COX10: variants seen among roughly 807,000 people sequenced by gnomAD.
The protein encoded by COX10 is cytochrome c oxidase assembly factor heme A:farnesyltransferase COX10.
A neutral mutation model predicts 37.3 loss-of-function variants in COX10; 27 were observed. The ratio of observed to expected loss-of-function variants is 0.72; its 90% CI spans 0.53 to 1.00. The LOEUF (loss-of-function observed/expected upper bound fraction) is 1.00. Among genes scored for constraint, COX10 ranks in the 50% least tolerant of loss-of-function variants. The probability of loss-of-function intolerance (pLI) is 0.00; values close to 1 mark genes in which losing one functional copy is unlikely to be tolerated. For missense variants in COX10, 475 were observed against 563.2 expected, an observed-to-expected ratio of 0.84 and a Z score of 1.59; for synonymous variants, 222 against 229.1, an observed-to-expected ratio of 0.97 and a Z score of 0.28.
chr17:14,147,422 C>T (rs1904752683), intron 4 of COX10, among the ~76,000 whole-genome samples: 1 of 152,034 alleles, frequency 6.6e-6, no homozygotes, highest in African/African-American at 2.4e-5. Context: ...TGCGTATTCT[C>T]ACTTATGTAT....
At chr17:14,092,644 A>G (rs1264764988) in intron 3 of COX10, among the ~76,000 whole-genome samples, 1 of 152,132 alleles carries the variant, frequency 6.6e-6, no homozygotes, top group African/African-American at 2.4e-5. Flanking sequence ...GTCTCTTGAG[A>G]AGACAACTAT....
intron 3 of COX10, among the ~76,000 whole-genome samples, chr17:14,100,227 A>G (rs1030169823): frequency 1.3e-5 from 2 of 152,118 alleles, no homozygotes; most frequent in Non-Finnish European, 2.9e-5. Flanking sequence ...ACCAAACTAC[A>G]AACTCCTCAG....
rs192139746 is a variant in COX10 at position 14,081,288 on chromosome 17, C to T, written c.499+4232C>T. Among the ~76,000 whole-genome samples the T allele has an allele frequency of 1.5e-3, 222 of 152,114 alleles. 3 individuals are homozygous for T. Among genetic ancestry groups the T allele is most frequent in the Middle Eastern group, 3.4e-3 (1 of 294 alleles). On this transcript the variant is annotated intron_variant, in intron 3 of 6. Transcript: ENST00000261643. ...CAAATAGTGGTGGTCAACTGAGAAA[C>T]GACTTGGGCCTGAACTGAGGCTGTG...
chr17:14,175,445 A>G lies in COX10; in HGVS notation c.695+15498A>G, dbSNP rs540680461. ...TCTCTGAGGCTCTGTTTCCTCGCCT[A>G]TAAAATGAGGTTTGTGCCTTCCACC... On this transcript the variant is annotated intron_variant, in intron 5 of 6. Coordinates refer to ENST00000261643, the MANE Select transcript of COX10 (RefSeq NM_001303.4). Among the ~76,000 whole-genome samples the G allele has an allele frequency of 4.6e-5, 7 of 151,914 alleles. No homozygotes were observed. The South Asian group carries it at 8.4e-4, about 18-fold the overall frequency.
intron 5 of COX10, among the ~76,000 whole-genome samples, chr17:14,190,238 C>G (rs910462808): frequency 1.3e-5 from 2 of 152,112 alleles, no homozygotes; most frequent in Non-Finnish European, 2.9e-5. Context: ...TAAACCATCC[C>G]CTTGAAATGG....
intron 6 of COX10, among the ~76,000 whole-genome samples, chr17:14,196,260 C>T (rs981341553): frequency 3.9e-5 from 6 of 152,278 alleles, no homozygotes; most frequent in South Asian, 4.1e-4. Context: ...CAGGAAATCA[C>T]GTCTCAGGGT....
At chr17:14,075,158 C>T (rs1222725596) in intron 2 of COX10, among the ~76,000 whole-genome samples, 3 of 152,130 alleles carry the variant, frequency 2.0e-5, no homozygotes, top group Admixed American at 2.0e-4. Flanking sequence ...TAACTTAAAA[C>T]TTTAAATTAA....
chr17:14,163,672 C>A (rs952734661), intron 5 of COX10, among the ~76,000 whole-genome samples: 8 of 152,106 alleles, frequency 5.3e-5, no homozygotes, highest in African/African-American at 1.9e-4. Context: ...AGAGCCATGT[C>A]TTAAAAGAAA....
intron 4 of COX10, among the ~76,000 whole-genome samples, chr17:14,129,667 G>C (rs1417121054): frequency 6.6e-6 from 1 of 152,132 alleles, no homozygotes; most frequent in Admixed American, 6.5e-5. Flanking sequence ...TCATTGTGCT[G>C]TAAGCATTGT....
At chr17:14,126,463 TAACAACTGAAAAC>T (rs1259978270) in intron 4 of COX10, among the ~76,000 whole-genome samples, 1 of 152,226 alleles carries the variant, frequency 6.6e-6, no homozygotes, top group Non-Finnish European at 1.5e-5. Context: ...CACAGCTAAT[TAACAACTGAAAAC>T]TAAAACTCTT....
intron 4 of COX10, among the ~76,000 whole-genome samples, chr17:14,139,641 T>G (rs1904481495): frequency 6.6e-6 from 1 of 152,144 alleles, no homozygotes; most frequent in Non-Finnish European, 1.5e-5. Context: ...ATTGCGAGCT[T>G]AGGTGTTTCA....
intron 3 of COX10, among the ~76,000 whole-genome samples, chr17:14,080,219 CTTTTTTTTTTTTT>C (rs71147840): frequency 9.7e-6 from 1 of 102,708 alleles, no homozygotes; most frequent in African/African-American, 3.6e-5. Context: ...ATTAGACTTT[CTTTTTTTTTTTTT>C]TTTTTTTTTG....
intron 5 of COX10, among the ~76,000 whole-genome samples, chr17:14,175,708 G>A (rs548672864): frequency 1.3e-5 from 2 of 151,912 alleles, no homozygotes; most frequent in East Asian, 3.9e-4. Flanking sequence ...TTCTAGGTGG[G>A]CATCAATGGT....
chr17:14,175,787 G>A (rs1905669779), intron 5 of COX10, among the ~76,000 whole-genome samples: 2 of 151,262 alleles, frequency 1.3e-5, no homozygotes, highest in South Asian at 4.3e-4. Flanking sequence ...GGAAGGCACT[G>A]GGAGGGAGTG....
chr17:14,192,762 T>C (rs935339738), intron 6 of COX10, among the ~76,000 whole-genome samples: 3 of 152,172 alleles, frequency 2.0e-5, no homozygotes, highest in Admixed American at 1.3e-4. Context: ...TGGTGGTATG[T>C]CACAACTAAA....
intron 6 of COX10, among the ~76,000 whole-genome samples, chr17:14,197,943 G>C (rs1906417239): frequency 6.6e-6 from 1 of 152,178 alleles, no homozygotes; most frequent in African/African-American, 2.4e-5. Context: ...CTCAGCCTCA[G>C]AGTTAGGCCT....
At chr17:14,180,273 T>G (rs531002861) in intron 5 of COX10, among the ~76,000 whole-genome samples, 108 of 152,292 alleles carry the variant, frequency 7.1e-4, no homozygotes, top group Middle Eastern at 3.4e-3. Flanking sequence ...TTTATAAGTA[T>G]AGAAATTTCT....
At chr17:14,163,777 C>T (rs1905219570) in intron 5 of COX10, among the ~76,000 whole-genome samples, 1 of 152,196 alleles carries the variant, frequency 6.6e-6, no homozygotes, top group Non-Finnish European at 1.5e-5. Flanking sequence ...TTCAGTTGCT[C>T]ATAATCTATC....
chr17:14,086,048 T>C (rs1242746422), intron 3 of COX10, among the ~76,000 whole-genome samples: 1 of 152,210 alleles, frequency 6.6e-6, no homozygotes, highest in African/African-American at 2.4e-5. Context: ...TCTTTGTTTA[T>C]TGTTTGTAAG....
Sources: gnomAD v4.1 joint callset for allele counts (sites outside exome capture counted in the v4.1 genomes callset) on GRCh38, gnomAD v4.1.1 for gene constraint, MANE v1.5 for transcripts, NCBI Gene and HGNC (gene_info 2026-07-23, HGNC 2026-07-21) for gene names.